TP63: variants seen among roughly 807,000 people sequenced by gnomAD.
TP63 encodes tumor protein p63.
In TP63, 17 loss-of-function variants were observed where a neutral mutation model predicts 82.8. That is an observed-to-expected ratio of 0.21 (90% confidence interval 0.14 to 0.31). The LOEUF (loss-of-function observed/expected upper bound fraction) is 0.31. TP63 is among the 10% of genes least tolerant of loss of function. TP63 has a pLI of 1.00. For missense variants in TP63, 648 were observed against 895.3 expected (o/e 0.72, Z 3.52); for synonymous variants, 330 against 321.7 (o/e 1.03, Z -0.28).
chr3:189,870,168 G>T (rs1453781009), intron 9 of TP63, among the ~76,000 whole-genome samples: 1 of 152,136 alleles, frequency 6.6e-6, no homozygotes, highest in Admixed American at 6.5e-5. Context: ...AATTGATAAT[G>T]CAGCAATGAT....
intron 4 of TP63, chr3:189,844,135 T>C (rs1714533840): frequency 3.0e-6 from 1 of 338,094 alleles, no homozygotes; most frequent in Non-Finnish European, 5.9e-6. Context: ...TTAGGATGGA[T>C]ATATTAAAAG....
At chr3:189,754,127 C>T (rs1460918822) in intron 3 of TP63, among the ~76,000 whole-genome samples, 1 of 152,120 alleles carries the variant, frequency 6.6e-6, no homozygotes, top group Non-Finnish European at 1.5e-5. Flanking sequence ...TTTGCCTGGA[C>T]ATCAGCAAGA....
chr3:189,886,082 A>C (rs1327469451), intron 10 of TP63, among the ~76,000 whole-genome samples: 1 of 152,186 alleles, frequency 6.6e-6, no homozygotes, highest in East Asian at 1.9e-4. Flanking sequence ...GGAAAAGAGG[A>C]GAAGGGAATG....
intron 5 of TP63, among the ~76,000 whole-genome samples, chr3:189,865,299 G>A (rs56059400): frequency 0.13 from 19,969 of 152,166 alleles, 1,527 homozygotes; most frequent in African/African-American, 0.22. Flanking sequence ...GACTGGGAGT[G>A]GAGGGATGAG....
chr3:189,841,852 G>A (rs527881766), intron 4 of TP63, among the ~76,000 whole-genome samples: 2 of 152,274 alleles, frequency 1.3e-5, no homozygotes, highest in African/African-American at 2.4e-5. Context: ...AGCTACCAGG[G>A]AAGGACTCCT....
chr3:189,829,832 G>A (rs1441214675), intron 4 of TP63: 3 of 289,324 alleles, frequency 1.0e-5, no homozygotes, highest in Non-Finnish European at 1.4e-5. Context: ...TCAAATATTA[G>A]CCCTTTTAAT....
At chr3:189,834,942 G>C (rs1295226280) in intron 4 of TP63, among the ~76,000 whole-genome samples, 1 of 132,864 alleles carries the variant, frequency 7.5e-6, no homozygotes, top group Admixed American at 8.0e-5. Flanking sequence ...TTCTAAGCTT[G>C]AAGACAGAGA....
At chr3:189,780,329 G>T (rs1286606737) in intron 3 of TP63, among the ~76,000 whole-genome samples, 1 of 152,050 alleles carries the variant, frequency 6.6e-6, no homozygotes, top group Non-Finnish European at 1.5e-5. Context: ...ACCCTTCTTT[G>T]CCCACCAATA....
intron 4 of TP63, among the ~76,000 whole-genome samples, chr3:189,816,497 A>G (rs1232491609): frequency 2.0e-5 from 3 of 152,170 alleles, no homozygotes; most frequent in Non-Finnish European, 4.4e-5. Context: ...AAAAGTCCTC[A>G]GCAGTTACAG....
chr3:189,771,377 A>G (rs1365410797), intron 3 of TP63, among the ~76,000 whole-genome samples: 2 of 138,406 alleles, frequency 1.4e-5, no homozygotes, highest in African/African-American at 5.4e-5. Context: ...TATTCAATAT[A>G]GACTATATTA....
In TP63 at chr3:189,754,683, G is replaced by C. The variant is rs376162614; in HGVS notation, c.324+15909G>C. Among the ~76,000 whole-genome samples, 19 of 152,166 alleles carry C rather than the reference G, an allele frequency of 1.2e-4. 1 individual carries two copies. In the South Asian group the frequency reaches 2.9e-3, roughly 23 times the overall value. On this transcript the variant is annotated intron_variant, in intron 3 of 13. Transcript: ENST00000264731. ...TGTGTCTTGGTCTCCTAGACTTCTAGGATTCACAATGTCACTTAACTTTAA... is the reference window on the plus strand; with the variant it reads ...TGTGTCTTGGTCTCCTAGACTTCTACGATTCACAATGTCACTTAACTTTAA...
the TP63 span, among the ~76,000 whole-genome samples, chr3:189,601,050 A>T: frequency 1.3e-5 from 2 of 152,204 alleles, no homozygotes; most frequent in South Asian, 2.1e-4. Context: ...CATGTTTGGT[A>T]AAAAGCTTAC....
At chr3:189,705,459 C>A (rs566088646) in intron 1 of TP63, among the ~76,000 whole-genome samples, 1 of 148,438 alleles carries the variant, frequency 6.7e-6, no homozygotes, top group Admixed American at 6.7e-5. Context: ...TTTTCTTTTT[C>A]TTTTCATTCT....
intron 1 of TP63, among the ~76,000 whole-genome samples, chr3:189,724,785 C>T (rs111786140): frequency 2.0e-5 from 3 of 152,180 alleles, no homozygotes; most frequent in South Asian, 4.1e-4. Flanking sequence ...GGAACACCTT[C>T]GTGCTGAGCA....
At chr3:189,839,040 TAAA>T (rs5855274) in intron 4 of TP63, among the ~76,000 whole-genome samples, 2 of 88,586 alleles carry the variant, frequency 2.3e-5, no homozygotes. Flanking sequence ...TATCCTAAGC[TAAA>T]AAAAAAAAAA....
chr3:189,747,792 A>G (rs1404309697), intron 3 of TP63, among the ~76,000 whole-genome samples: 1 of 152,092 alleles, frequency 6.6e-6, no homozygotes, highest in Non-Finnish European at 1.5e-5. Flanking sequence ...TAAAACCAAA[A>G]GTTGGCTTTT....
chr3:189,873,125 T>C, intron 10 of TP63, 130 bp downstream of exon 10: 1 of 1,425,080 alleles, frequency 7.0e-7, no homozygotes, highest in Non-Finnish European at 9.9e-7. Context: ...TCAGATGACC[T>C]GGTATGGCAA....
rs1433073879 is a variant in TP63, at chr3:189,738,711, C to G, written c.261C>G (p.Asn87Lys). The G allele has an allele frequency of 6.2e-7, 1 of 1,614,124 alleles. No individual in the cohort carries two copies. Among genetic ancestry groups the G allele is most frequent in the East Asian group, 2.2e-5 (1 of 44,876 alleles). ...AACCATCAGAAGATGGTGCGACAAA[C>G]AAGATTGAGATTAGCATGGACTGTA... ...VDEPSEDGAT[N>K]KIEISMDCIR... Residue 87 changes from asparagine (N) to lysine (K), a missense_variant, in exon 3 of 14, where the codon AAC becomes AAG. Around this residue, in one of 5 missense-constraint regions of TP63, gnomAD observed 182 missense variants for 213.6 expected, o/e 0.85. Transcript: ENST00000264731.
chr3:189,819,917 A>G (rs1312178584), intron 4 of TP63, among the ~76,000 whole-genome samples: 1 of 151,486 alleles, frequency 6.6e-6, no homozygotes, highest in African/African-American at 2.4e-5. Context: ...TGCCCAGCTA[A>G]TTTTTGTATT....
Sources: allele counts gnomAD v4.1 joint callset (sites outside exome capture counted in the v4.1 genomes callset), GRCh38; gene constraint gnomAD v4.1.1; regional missense constraint gnomAD v4.1.1; transcripts MANE v1.5; gene names NCBI Gene and HGNC (gene_info 2026-07-23, HGNC 2026-07-21).